PRKAG2: variants seen among roughly 807,000 people sequenced by gnomAD.
PRKAG2 encodes 5'-AMP-activated protein kinase subunit gamma-2.
Under a neutral mutation model 69.6 loss-of-function variants are expected in PRKAG2, and 26 were observed. The ratio of observed to expected loss-of-function variants is 0.37; its 90% CI spans 0.27 to 0.52. PRKAG2 has a LOEUF of 0.52. Ranked by LOEUF, PRKAG2 falls within the 20% of genes least tolerant of loss-of-function variation. PRKAG2 has a pLI of 0.90. For synonymous variants in PRKAG2, 293 were observed against 285.0 expected (o/e 1.03, Z -0.28); for missense variants, 557 against 740.0 (o/e 0.75, Z 2.87).
intron 1 of PRKAG2, among the ~76,000 whole-genome samples, chr7:151,866,369 C>T (rs1344603392): frequency 6.6e-6 from 1 of 152,230 alleles, no homozygotes; most frequent in East Asian, 1.9e-4. Flanking sequence ...GTGAACCTTA[C>T]ACTGTCTTTT....
chr7:151,835,693 C>A lies in PRKAG2; in HGVS notation c.114+40814G>T, dbSNP rs2079130537. ...CTGTATGGACAGACACACAAGGAGA[C>A]TGACCCAGGTCCTGTTGCAGGACAG... On this transcript the variant is annotated intron_variant, in intron 1 of 15. Coordinates refer to ENST00000287878, the MANE Select transcript of PRKAG2 (RefSeq NM_016203.4). This position sits in a 1 kb window ranked among gnomAD's most constrained non-coding sequence, Gnocchi z 4.1. Among the ~76,000 whole-genome samples, 2 of 152,226 alleles carry A rather than the reference C, an allele frequency of 1.3e-5. No homozygotes were observed. The highest frequency in any genetic ancestry group is 4.8e-5 in the African/African-American group (2 of 41,458).
intron 15 of PRKAG2, chr7:151,558,210 T>C: frequency 2.0e-6 from 2 of 985,462 alleles, no homozygotes; most frequent in Non-Finnish European, 2.4e-6. Flanking sequence ...GAAAGTGTTA[T>C]TGTGTTGAAC....
chr7:151,660,820 G>A (rs767832909), intron 4 of PRKAG2, among the ~76,000 whole-genome samples: 8 of 152,166 alleles, frequency 5.3e-5, no homozygotes, highest in Non-Finnish European at 1.0e-4. Flanking sequence ...TCAAAGAGGC[G>A]GGATTCCAGG....
chr7:151,705,026 C>A (rs899879796), intron 3 of PRKAG2, among the ~76,000 whole-genome samples: 1 of 152,200 alleles, frequency 6.6e-6, no homozygotes, highest in African/African-American at 2.4e-5. Context: ...CAGATACTAT[C>A]TTCTATAGGA....
chr7:151,785,962 C>T (rs1468141691), intron 2 of PRKAG2, among the ~76,000 whole-genome samples: 2 of 151,870 alleles, frequency 1.3e-5, no homozygotes, highest in African/African-American at 2.4e-5. Context: ...GCAGGAGGGA[C>T]GGCGAGGAGC....
intron 1 of PRKAG2, among the ~76,000 whole-genome samples, chr7:151,859,160 A>G (rs570913294): frequency 1.3e-5 from 2 of 152,368 alleles, no homozygotes; most frequent in African/African-American, 4.8e-5. Flanking sequence ...AACAGCCGAT[A>G]CCACATCTGT....
At chr7:151,701,110 C>A (rs772936167) in intron 3 of PRKAG2, among the ~76,000 whole-genome samples, 1 of 152,192 alleles carries the variant, frequency 6.6e-6, no homozygotes, top group Non-Finnish European at 1.5e-5. Flanking sequence ...TCCTCAGGGG[C>A]TGCCCCCCAG....
intron 1 of PRKAG2, among the ~76,000 whole-genome samples, chr7:151,876,298 C>T (rs1362813530): frequency 6.6e-6 from 1 of 152,094 alleles, no homozygotes; most frequent in Non-Finnish European, 1.5e-5. Flanking sequence ...GGAGCCCCAG[C>T]CCTGGCTGCA....
intron 3 of PRKAG2, among the ~76,000 whole-genome samples, chr7:151,769,309 C>T (rs2075903531): frequency 6.6e-6 from 1 of 152,194 alleles, no homozygotes; most frequent in African/African-American, 2.4e-5. Context: ...CTTTCCAGAA[C>T]CTCAGAAGGT....
intron 1 of PRKAG2, among the ~76,000 whole-genome samples, chr7:151,865,483 C>A (rs780414972): frequency 6.6e-6 from 1 of 152,322 alleles, no homozygotes; most frequent in East Asian, 1.9e-4. Context: ...TGACGGCATG[C>A]CCCAGGTTAA....
At chr7:151,735,428 C>G (rs1333052723) in intron 3 of PRKAG2, among the ~76,000 whole-genome samples, 3 of 152,142 alleles carry the variant, frequency 2.0e-5, no homozygotes, top group African/African-American at 7.2e-5. Context: ...TCATGGGGCA[C>G]AAATTAGGCA....
At chr7:151,741,674 CAAA>C (rs33969514) in intron 3 of PRKAG2, among the ~76,000 whole-genome samples, 163 of 126,596 alleles carry the variant, frequency 1.3e-3, no homozygotes, top group East Asian at 1.3e-3. Context: ...AACTCTGTCT[CAAA>C]AAAAAAAAAA....
At chr7:151,841,696 AT>A (rs2079294009) in intron 1 of PRKAG2, among the ~76,000 whole-genome samples, 1 of 57,720 alleles carries the variant, frequency 1.7e-5, no homozygotes, top group African/African-American at 6.5e-5. Flanking sequence ...GATGGTAGTG[AT>A]GGTAGGTGGG....
chr7:151,574,954 A>G lies in PRKAG2; in HGVS notation c.947-5T>C. On this transcript the variant is annotated splice_region_variant and splice_polypyrimidine_tract_variant and intron_variant, in intron 7 of 15. Coordinates refer to ENST00000287878, the MANE Select transcript of PRKAG2 (RefSeq NM_016203.4). ...AATCTGTAATTGTTAGCATTCCTGG[A>G]ACAAAGAATTACATGTTACAAATAA... 1.2e-6 allele frequency: 2 copies of G among 1,612,686 alleles called. No individual in the cohort carries two copies. The highest frequency in any genetic ancestry group is 1.7e-6 in the Non-Finnish European group (2 of 1,179,630).
chr7:151,675,631 C>T lies in PRKAG2; in HGVS notation c.473G>A (p.Gly158Asp), dbSNP rs1832796232. Residue 158 changes from glycine to aspartate, a missense_variant, in exon 4 of 16, where the codon GGC becomes GAC. Physicochemically the swap from Gly to Asp is moderately conservative, Grantham distance 94. Around this residue, in one of 2 missense-constraint regions of PRKAG2, gnomAD observed 352 missense variants for 356.7 expected, o/e 0.99. Coordinates refer to ENST00000287878, the MANE Select transcript of PRKAG2 (RefSeq NM_016203.4). ...GGGTGTTGACGGAGAGGAGGAGAGG[C>T]CGGAGGCTGCAGAAGAAACACCAAG... ...RFFSRSRKTS[G>D]LSSSPSTPTQ... 1 of 1,612,982 alleles carries T rather than the reference C, an allele frequency of 6.2e-7. No individual in the cohort carries two copies. Among genetic ancestry groups the T allele is most frequent in the Non-Finnish European group, 8.5e-7 (1 of 1,179,010 alleles).
Position 151,557,641 on chromosome 7 carries a change from G to A in PRKAG2, c.1679-409C>T, listed in dbSNP as rs1197785223. 2.4e-5 allele frequency: 19 copies of A among 785,318 alleles called. No homozygotes were observed. The South Asian group carries it at 2.9e-4, about 12-fold the overall frequency. The allele number at this position is 785,318 out of a possible 1,614,324, so 48.6% of individuals were successfully genotyped here. A position where few individuals can be genotyped will look rare whatever the true frequency, so the allele number is the denominator to read the frequency against. The stretch of plus-strand genomic sequence containing the variant: ...TCCCAGCACTTTGGGAGGCCGAGGC[G>A]GGCGGATCACCTGAGATCAGGAGTT... On this transcript the variant is annotated intron_variant, in intron 15 of 15. Transcript: ENST00000287878.
chr7:151,684,991 G>A (rs1238727810), intron 3 of PRKAG2, among the ~76,000 whole-genome samples: 2 of 152,140 alleles, frequency 1.3e-5, no homozygotes, highest in African/African-American at 2.4e-5. Context: ...CTGGACCAGG[G>A]TGACTTTAGG....
At chr7:151,716,894 T>C (rs1383831502) in intron 3 of PRKAG2, among the ~76,000 whole-genome samples, 1 of 151,876 alleles carries the variant, frequency 6.6e-6, no homozygotes, top group Non-Finnish European at 1.5e-5. Context: ...GGGAAATGAG[T>C]GTTGGCAGGA....
chr7:151,609,652 C>G (rs568723671), intron 5 of PRKAG2, among the ~76,000 whole-genome samples: 7 of 152,210 alleles, frequency 4.6e-5, no homozygotes, highest in African/African-American at 1.7e-4. Context: ...ATAGACGCCC[C>G]GAGAAGCAGA....
Sources: allele counts gnomAD v4.1 joint callset (sites outside exome capture counted in the v4.1 genomes callset), GRCh38; gene constraint gnomAD v4.1.1; regional missense constraint gnomAD v4.1.1; non-coding constraint Gnocchi (gnomAD v3.1); transcripts MANE v1.5; gene names NCBI Gene and HGNC (gene_info 2026-07-23, HGNC 2026-07-21).